The following RAB3B variants were observed in gnomAD, a reference collection of about 807,000 sequenced individuals.
RAB3B encodes the protein RAB3B, member RAS oncogene family, also known as ras-related protein Rab-3B.
A neutral mutation model predicts 20.5 loss-of-function variants in RAB3B; 11 were observed. The observed-to-expected ratio is 0.54, with a 90% CI of 0.34 to 0.89. The LOEUF (loss-of-function observed/expected upper bound fraction) is 0.89, where lower values mean the gene tolerates loss of function less well. RAB3B is among the 40% of genes least tolerant of loss of function. RAB3B has a pLI of 0.02. For synonymous variants in RAB3B, 99 were observed against 106.3 expected (o/e 0.93, Z 0.42); for missense variants, 225 against 280.9 (o/e 0.80, Z 1.42).
At chr1:51,927,682 A>C (rs1166342675) in intron 4 of RAB3B, among the ~76,000 whole-genome samples, 1 of 152,186 alleles carries the variant, frequency 6.6e-6, no homozygotes, top group Non-Finnish European at 1.5e-5. Flanking sequence ...CTGTAATCCC[A>C]GCTATTTGGG....
At chr1:51,949,659 C>T (rs1224323054) in intron 2 of RAB3B, among the ~76,000 whole-genome samples, 2 of 152,184 alleles carry the variant, frequency 1.3e-5, no homozygotes, top group South Asian at 2.1e-4. Flanking sequence ...CCCCAAAGCT[C>T]CAGAGGGGTG....
At chr1:51,929,275 A>G (rs886528615) in intron 4 of RAB3B, among the ~76,000 whole-genome samples, 4 of 152,174 alleles carry the variant, frequency 2.6e-5, no homozygotes, top group Admixed American at 1.3e-4. Context: ...GGAGAGTGCA[A>G]TTGAGCCCTG....
In RAB3B at chr1:51,919,933, T is replaced by C. The variant is rs111703995; in HGVS notation, c.654A>G (p.Ser218=). 8.6e-4 allele frequency: 1,386 copies of C among 1,612,358 alleles called. 20 individuals carry two copies. In the African/African-American group the frequency reaches 0.016, roughly 19 times the overall value. The change falls in exon 5 of 5, where the codon TCA becomes TCG. Residue 218 remains serine (S), a synonymous_variant. Transcript: ENST00000371655. The stretch of plus-strand genomic sequence containing the variant: ...TCAGGAAGGTGGGCCTTGCCTAGCA[T>C]GAGCAGTTCTGCTGCAGCAGCGGTG... ...DTPPLLQQNC[S]C
chr1:51,982,246 A>G (rs943020613), intron 1 of RAB3B, among the ~76,000 whole-genome samples: 19 of 152,138 alleles, frequency 1.2e-4, no homozygotes, highest in African/African-American at 4.1e-4. Flanking sequence ...TTTAAAAACT[A>G]AGGAAGAAAA....
chr1:51,958,952 C>T (rs1684749265), intron 2 of RAB3B, among the ~76,000 whole-genome samples: 1 of 152,178 alleles, frequency 6.6e-6, no homozygotes, highest in African/African-American at 2.4e-5. Flanking sequence ...TTCATTTTGC[C>T]AGTCTTTGTT....
chr1:51,961,923 A>T (rs932934457), intron 2 of RAB3B, among the ~76,000 whole-genome samples: 3 of 152,102 alleles, frequency 2.0e-5, no homozygotes, highest in African/African-American at 4.8e-5. Flanking sequence ...GGTGTCAGCC[A>T]CCAAGCCCCG....
In RAB3B at chr1:51,990,664, T is replaced by C. The variant is rs576176188; in HGVS notation, c.-113A>G. The C allele has an allele frequency of 2.0e-5, 3 of 152,254 alleles. No individual in the cohort carries two copies. Among genetic ancestry groups the C allele is most frequent in the South Asian group, 2.1e-4 (1 of 4,834 alleles). The allele number at this position is 152,254 out of a possible 1,614,324, so 9.4% of individuals were successfully genotyped here. A position where few individuals can be genotyped will look rare whatever the true frequency, so the allele number is the denominator to read the frequency against. ...CGGGGCGGGGCGCTGCGGGATGGTCTGGTCCGGTCAGGTCCTCACAGTGGC... is the reference window on the plus strand; with the variant it reads ...CGGGGCGGGGCGCTGCGGGATGGTCCGGTCCGGTCAGGTCCTCACAGTGGC... On this transcript the variant is annotated 5_prime_UTR_variant, in exon 1 of 5. Coordinates refer to ENST00000371655, the MANE Select transcript of RAB3B (RefSeq NM_002867.4).
At chr1:51,959,795 C>T (rs1464953647) in intron 2 of RAB3B, among the ~76,000 whole-genome samples, 2 of 152,248 alleles carry the variant, frequency 1.3e-5, no homozygotes, top group South Asian at 2.1e-4. Context: ...TACTAATGTA[C>T]GATGGTAATA....
chr1:51,958,027 T>C (rs1181783198), intron 2 of RAB3B, among the ~76,000 whole-genome samples: 1 of 152,170 alleles, frequency 6.6e-6, no homozygotes, highest in Non-Finnish European at 1.5e-5. Context: ...CTATCTTCCC[T>C]TTCTCTTCTC....
intron 1 of RAB3B, among the ~76,000 whole-genome samples, chr1:51,979,925 C>T (rs1685062199): frequency 6.6e-6 from 1 of 151,716 alleles, no homozygotes; most frequent in Non-Finnish European, 1.5e-5. Context: ...TGCCTGTAGT[C>T]CCAGCTACAG....
chr1:51,931,719 G>C (rs1231370177), intron 4 of RAB3B, among the ~76,000 whole-genome samples: 1 of 152,088 alleles, frequency 6.6e-6, no homozygotes, highest in African/African-American at 2.4e-5. Flanking sequence ...GGGGTGCATT[G>C]AGAGAACAAA....
chr1:51,974,599 T>A (rs1299105066), intron 2 of RAB3B, among the ~76,000 whole-genome samples: 1 of 152,186 alleles, frequency 6.6e-6, no homozygotes, highest in African/African-American at 2.4e-5. Flanking sequence ...TTTGACATTA[T>A]CATGAAGGGA....
rs3074914 is a variant in RAB3B, at chr1:51,971,010, CAAAAAAAAAAAA to C, written c.228+5868_228+5879del. ...TGGGTGACAGAGCGAGACTCCGTCTCAAAAAAAAAAAAAAAAAAAAAAAGAAAGAAAGCAACC... is the reference window on the plus strand; with the variant it reads ...TGGGTGACAGAGCGAGACTCCGTCTCAAAAAAAAAAAGAAAGAAAGCAACC... On this transcript the variant is annotated intron_variant, in intron 2 of 4. Coordinates refer to ENST00000371655, the MANE Select transcript of RAB3B (RefSeq NM_002867.4). Among the ~76,000 whole-genome samples, 13 of 55,714 alleles carry C rather than the reference CAAAAAAAAAAAA, an allele frequency of 2.3e-4. 1 individual carries two copies. Among genetic ancestry groups the C allele is most frequent in the African/African-American group, 6.0e-4 (10 of 16,684 alleles). 36.6% of individuals were successfully genotyped at this position (55,714 alleles called of 152,430 possible).
chr1:51,925,873 C>A (rs1242539384), intron 4 of RAB3B, among the ~76,000 whole-genome samples: 1 of 152,158 alleles, frequency 6.6e-6, no homozygotes, highest in African/African-American at 2.4e-5. Context: ...ATTGAGGAAA[C>A]CCAGAGATTA....
chr1:51,911,266 C>G lies in RAB3B; in HGVS notation c.*8661G>C, dbSNP rs574395730. On this transcript the variant is annotated 3_prime_UTR_variant, in exon 5 of 5. Coordinates refer to ENST00000371655, the MANE Select transcript of RAB3B (RefSeq NM_002867.4). Reference sequence around the variant, plus strand: ...CTCACCTTGAGAAATCCCTCTTCTTCGTTCCTTCAGGTACAAGAAGAGAGG... The same window carrying G: ...CTCACCTTGAGAAATCCCTCTTCTTGGTTCCTTCAGGTACAAGAAGAGAGG... 5.9e-5 allele frequency: 9 copies of G among 152,188 alleles called. No homozygotes were observed. Among genetic ancestry groups the G allele is most frequent in the African/African-American group, 1.9e-4 (8 of 41,460 alleles). The allele number at this position is 152,188 out of a possible 1,614,324, so 9.4% of individuals were successfully genotyped here.
intron 4 of RAB3B, among the ~76,000 whole-genome samples, chr1:51,929,217 G>C (rs1684289365): frequency 6.6e-6 from 1 of 152,232 alleles, no homozygotes; most frequent in Admixed American, 6.5e-5. Context: ...CCCACGCAGA[G>C]AGTCTGGCTA....
At chr1:51,984,699 T>A (rs915378668) in intron 1 of RAB3B, among the ~76,000 whole-genome samples, 1 of 152,240 alleles carries the variant, frequency 6.6e-6, no homozygotes, top group Non-Finnish European at 1.5e-5. Flanking sequence ...AGTGAACATT[T>A]CTTTACATAA....
At chr1:51,987,296 G>A (rs904182412) in intron 1 of RAB3B, among the ~76,000 whole-genome samples, 1 of 152,184 alleles carries the variant, frequency 6.6e-6, no homozygotes, top group African/African-American at 2.4e-5. Flanking sequence ...ATGAGACTGA[G>A]TCCAAGAGAC....
chr1:51,967,734 T>C (rs12751171), intron 2 of RAB3B, among the ~76,000 whole-genome samples: 8 of 151,686 alleles, frequency 5.3e-5, no homozygotes, highest in Non-Finnish European at 8.8e-5. Flanking sequence ...ATGTTGCTGG[T>C]CTCACTCCTG....
Sources: allele counts gnomAD v4.1 joint callset (sites outside exome capture counted in the v4.1 genomes callset), GRCh38; gene constraint gnomAD v4.1.1; transcripts MANE v1.5; gene names NCBI Gene and HGNC (gene_info 2026-07-23, HGNC 2026-07-21).